Variants in CFAP299 observed in about 807,000 individuals in gnomAD.
CFAP299 encodes the protein cilia- and flagella-associated protein 299.
Under a neutral mutation model 27.0 loss-of-function variants are expected in CFAP299, and 21 were observed. The observed-to-expected ratio is 0.78, with a 90% CI of 0.55 to 1.12. The LOEUF (loss-of-function observed/expected upper bound fraction) is 1.12, where lower values mean the gene tolerates loss of function less well. CFAP299 is among the 50% of genes most tolerant of loss of function. The pLI, the probability that CFAP299 is intolerant of heterozygous loss-of-function variation, is 0.00. For synonymous variants in CFAP299, 104 were observed against 98.1 expected, an observed-to-expected ratio of 1.06 and a Z score of -0.36; for missense variants, 310 against 276.6, an observed-to-expected ratio of 1.12 and a Z score of -0.86.
intron 4 of CFAP299, among the ~76,000 whole-genome samples, chr4:80,943,028 G>A (rs908124279): frequency 5.3e-5 from 8 of 152,192 alleles, no homozygotes; most frequent in African/African-American, 1.7e-4. Flanking sequence ...CTGGGGGGCT[G>A]AGCCTGTCAT....
chr4:80,866,438 A>G (rs1223857624), intron 3 of CFAP299, among the ~76,000 whole-genome samples: 25 of 152,070 alleles, frequency 1.6e-4, no homozygotes, highest in Admixed American at 1.6e-3. Context: ...CTGTTGCTCT[A>G]CATACTTAAA....
At chr4:80,575,055 T>C (rs1735782254) in intron 2 of CFAP299, among the ~76,000 whole-genome samples, 1 of 152,134 alleles carries the variant, frequency 6.6e-6, no homozygotes, top group South Asian at 2.1e-4. Context: ...GTTCTTTAAA[T>C]GTGTGGTAAA....
intron 3 of CFAP299, among the ~76,000 whole-genome samples, chr4:80,791,567 C>T (rs534711173): frequency 2.6e-5 from 4 of 152,004 alleles, no homozygotes; most frequent in South Asian, 2.1e-4. Flanking sequence ...ACTTTCCATG[C>T]GTATTGAAGA....
At chr4:80,724,882 TTTC>T (rs1723059494) in intron 3 of CFAP299, among the ~76,000 whole-genome samples, 1 of 128,876 alleles carries the variant, frequency 7.8e-6, no homozygotes, top group African/African-American at 3.0e-5. Context: ...TTCCTTTCTT[TTTC>T]TTTCTTTCTT....
At chr4:80,849,809 A>C (rs994182212) in intron 3 of CFAP299, among the ~76,000 whole-genome samples, 2 of 152,122 alleles carry the variant, frequency 1.3e-5, no homozygotes, top group African/African-American at 4.8e-5. Flanking sequence ...TCTATTGCAC[A>C]GTAGGGGGAC....
chr4:80,547,204 G>A, intron 2 of CFAP299, among the ~76,000 whole-genome samples: 1 of 151,898 alleles, frequency 6.6e-6, no homozygotes, highest in Admixed American at 6.6e-5. Flanking sequence ...AAAAGGATAG[G>A]GAGCCAAGGA....
intron 3 of CFAP299, among the ~76,000 whole-genome samples, chr4:80,672,159 T>C (rs1163758483): frequency 1.3e-5 from 2 of 152,222 alleles, no homozygotes; most frequent in Non-Finnish European, 2.9e-5. Context: ...ATAGCTCTTA[T>C]GATTCTCAGA....
chr4:80,547,988 A>G (rs1734324806), intron 2 of CFAP299, among the ~76,000 whole-genome samples: 1 of 152,138 alleles, frequency 6.6e-6, no homozygotes, highest in Non-Finnish European at 1.5e-5. Context: ...AGAACTTAAA[A>G]CAGAACTACC....
intron 2 of CFAP299, among the ~76,000 whole-genome samples, chr4:80,519,588 A>G (rs1732800095): frequency 6.6e-6 from 1 of 152,218 alleles, no homozygotes; most frequent in Non-Finnish European, 1.5e-5. Flanking sequence ...TTAAAACTCA[A>G]AAATATAACA....
At chr4:80,672,310 T>C (rs1389510910) in intron 3 of CFAP299, among the ~76,000 whole-genome samples, 1 of 152,264 alleles carries the variant, frequency 6.6e-6, no homozygotes, top group African/African-American at 2.4e-5. Context: ...TTAAGTTTAC[T>C]GATTTGCATA....
chr4:80,505,935 G>A (rs1310135884), intron 2 of CFAP299, among the ~76,000 whole-genome samples: 7 of 151,728 alleles, frequency 4.6e-5, no homozygotes, highest in African/African-American at 7.3e-5. Context: ...TAGCAATTAC[G>A]CTGTAGTCTG....
intron 3 of CFAP299, among the ~76,000 whole-genome samples, chr4:80,703,886 A>G (rs1721663298): frequency 6.6e-6 from 1 of 151,758 alleles, no homozygotes; most frequent in Non-Finnish European, 1.5e-5. Context: ...TTAAGAAACC[A>G]GCGTCTGGGG....
intron 3 of CFAP299, among the ~76,000 whole-genome samples, chr4:80,662,577 G>T (rs1017781308): frequency 1.3e-5 from 2 of 152,136 alleles, no homozygotes; most frequent in Admixed American, 1.3e-4. Context: ...TACTTAATTT[G>T]GGGGTTCTAT....
intron 3 of CFAP299, among the ~76,000 whole-genome samples, chr4:80,618,742 A>G (rs866718381): frequency 7.2e-5 from 11 of 152,136 alleles, no homozygotes; most frequent in African/African-American, 2.4e-4. Context: ...AAGATACATT[A>G]CATTAATTCC....
intron 2 of CFAP299, among the ~76,000 whole-genome samples, chr4:80,470,576 T>G (rs1729945694): frequency 6.6e-6 from 1 of 152,244 alleles, no homozygotes; most frequent in East Asian, 1.9e-4. Context: ...ACACTTGTTT[T>G]TATTTTCTTC....
At chr4:80,564,772 CA>C (rs1329814579) in intron 2 of CFAP299, among the ~76,000 whole-genome samples, 1 of 151,666 alleles carries the variant, frequency 6.6e-6, no homozygotes, top group African/African-American at 2.4e-5. Context: ...GAAAATAACT[CA>C]AGACTCCACC....
chr4:80,330,796 G>A (rs980243287), upstream of CFAP299, among the ~76,000 whole-genome samples: 2 of 135,438 alleles, frequency 1.5e-5, no homozygotes, highest in East Asian at 2.4e-4. Context: ...CATACGGATT[G>A]TAATGCCTTT....
In CFAP299 at chr4:80,875,619, G is replaced by A. The variant is rs912831941; in HGVS notation, c.476+5484G>A. Among the ~76,000 whole-genome samples, 8 of 149,520 alleles carry A rather than the reference G, an allele frequency of 5.4e-5. No homozygotes were observed. The South Asian group carries it at 8.4e-4, about 16-fold the overall frequency. The stretch of plus-strand genomic sequence containing the variant: ...GCGGAGGTTGCGGTGAGCCAAGATC[G>A]CGCCATTGCACTCCAGCCTGGGCAA... On this transcript the variant is annotated intron_variant, in intron 4 of 5. Transcript: ENST00000358105.
chr4:80,582,013 T>A (rs1255362078), intron 2 of CFAP299, among the ~76,000 whole-genome samples: 1 of 151,870 alleles, frequency 6.6e-6, no homozygotes, highest in Non-Finnish European at 1.5e-5. Flanking sequence ...TCTATTAATA[T>A]TACCTGGTTT....
Sources: allele counts gnomAD v4.1 joint callset (sites outside exome capture counted in the v4.1 genomes callset), GRCh38; gene constraint gnomAD v4.1.1; transcripts MANE v1.5; gene names NCBI Gene and HGNC (gene_info 2026-07-23, HGNC 2026-07-21).